SFSWAP: variants seen among roughly 807,000 people sequenced by gnomAD.
SFSWAP encodes the protein splicing factor SWAP, also known as splicing factor, suppressor of white-apricot homolog.
SFSWAP carries 17 observed loss-of-function variants against 100.7 expected under a neutral mutation model. That is an observed-to-expected ratio of 0.17 (90% CI 0.12 to 0.25). The LOEUF (loss-of-function observed/expected upper bound fraction) is 0.25, where lower values mean the gene tolerates loss of function less well. Ranked by LOEUF, SFSWAP falls within the 10% of genes least tolerant of loss-of-function variation. SFSWAP has a pLI of 1.00. For synonymous variants in SFSWAP, 504 were observed against 510.1 expected (o/e 0.99, Z 0.16); for missense variants, 1,005 against 1,262.6 (o/e 0.80, Z 3.09).
chr12:131,756,512 C>G lies in SFSWAP; in HGVS notation c.1588C>G (p.Pro530Ala), dbSNP rs781719154. The G allele has an allele frequency of 2.5e-6, 4 of 1,613,940 alleles. No individual in the cohort carries two copies. In the East Asian group the frequency reaches 8.9e-5, roughly 36 times the overall value. Reference sequence around the variant, plus strand: ...AGAAGAGGCTCCCACAGACTCTGCTCCCGAGAAGCCAAGTGATGCTGGGGA... The same window carrying G: ...AGAAGAGGCTCCCACAGACTCTGCTGCCGAGAAGCCAAGTGATGCTGGGGA... Reference protein sequence around the residue: ...APEEAPTDSAPEKPSDAGEDG... With the variant: ...APEEAPTDSAAEKPSDAGEDG... The change falls in exon 11 of 18, where the codon CCC (proline) becomes GCC (alanine). Residue 530 changes from proline to alanine, a missense_variant. By Grantham distance (27) the Pro-to-Ala change is conservative. Around this residue, in one of 7 missense-constraint regions of SFSWAP, gnomAD observed 311 missense variants for 317.8 expected, o/e 0.98. Coordinates refer to ENST00000261674, the MANE Select transcript of SFSWAP (RefSeq NM_004592.4).
At chr12:131,724,359 C>T (rs1878763319) in intron 4 of SFSWAP, among the ~76,000 whole-genome samples, 1 of 152,108 alleles carries the variant, frequency 6.6e-6, no homozygotes, top group Admixed American at 6.5e-5. Flanking sequence ...CCTGAAAATC[C>T]AAGTCGTGGA....
Position 131,730,348 on chromosome 12 carries a change from C to T in SFSWAP, c.1081+1920C>T, listed in dbSNP as rs187076673. Among the ~76,000 whole-genome samples the T allele has an allele frequency of 1.3e-4, 20 of 152,350 alleles. No individual in the cohort carries two copies. Among genetic ancestry groups the T allele is most frequent in the Admixed American group, 8.5e-4 (13 of 15,302 alleles). On this transcript the variant is annotated intron_variant, in intron 7 of 17. Transcript: ENST00000261674. The surrounding 1 kb of genome is among the most constrained non-coding windows in gnomAD (Gnocchi z 4.0). ...GTTTGCTTGAACCAAATGCATTGTC[C>T]GTGCACGTCCACCAGATCCCTGAAG...
At position 131,768,248 on chromosome 12, in the gene SFSWAP, G is replaced by A. The variant is rs377090117; in HGVS notation, c.2142+1940G>A. Among the ~76,000 whole-genome samples, 5 of 152,232 alleles carry A rather than the reference G, an allele frequency of 3.3e-5. No individual in the cohort carries two copies. The East Asian group carries it at 5.8e-4, about 18-fold the overall frequency. ...GCAGGCCGCAGCCACGTTGCTCCAAGTGGCCCCACGTGTCTTTTGTAGATC... is the reference window on the plus strand; with the variant it reads ...GCAGGCCGCAGCCACGTTGCTCCAAATGGCCCCACGTGTCTTTTGTAGATC... On this transcript the variant is annotated intron_variant, in intron 13 of 17. Transcript: ENST00000261674.
chr12:131,749,221 C>G (rs1463292264), intron 7 of SFSWAP, among the ~76,000 whole-genome samples: 1 of 152,196 alleles, frequency 6.6e-6, no homozygotes. Flanking sequence ...TTTTCCACTT[C>G]ACGGTGTTGT....
intron 14 of SFSWAP, among the ~76,000 whole-genome samples, chr12:131,780,244 C>T (rs1315870679): frequency 6.6e-6 from 1 of 152,206 alleles, no homozygotes; most frequent in Non-Finnish European, 1.5e-5. Flanking sequence ...TACCCTTATA[C>T]ACGCAAAAAA....
chr12:131,717,054 G>A (rs1257605664), intron 3 of SFSWAP, among the ~76,000 whole-genome samples: 2 of 152,000 alleles, frequency 1.3e-5, no homozygotes, highest in African/African-American at 4.8e-5. Flanking sequence ...ATAAAACTTA[G>A]AGCTTGACAT....
In SFSWAP at chr12:131,725,620, C is replaced by T. The variant is rs763499290; in HGVS notation, c.822C>T (p.Asp274=). 3.7e-6 allele frequency: 6 copies of T among 1,612,572 alleles called. No homozygotes were observed. Among genetic ancestry groups the T allele is most frequent in the East Asian group, 2.2e-5 (1 of 44,870 alleles). The stretch of plus-strand genomic sequence containing the variant: ...CTGTCCTGGCAGAAAACAAAAGTGA[C>T]GAGAAAAAAAGTAGGTCCCACTGCG... The part of the protein sequence containing the change: ...RYTVLAENKS[D]EKKKSGVSSD... The change falls in exon 5 of 18, where the codon GAC becomes GAT. Residue 274 remains aspartate (D), a synonymous_variant. Transcript: ENST00000261674. The surrounding 1 kb of genome is among the most constrained non-coding windows in gnomAD (Gnocchi z 4.3).
intron 4 of SFSWAP, among the ~76,000 whole-genome samples, chr12:131,722,897 T>C (rs546248412): frequency 6.6e-6 from 1 of 152,216 alleles, no homozygotes; most frequent in East Asian, 1.9e-4. Flanking sequence ...TGTAGTGAGC[T>C]AATACGGTAC....
chr12:131,738,010 G>A (rs1880201982), intron 7 of SFSWAP, among the ~76,000 whole-genome samples: 1 of 151,940 alleles, frequency 6.6e-6, no homozygotes, highest in Non-Finnish European at 1.5e-5. Context: ...TAATTATGCA[G>A]GAGGCAGTCA....
chr12:131,711,400 A>G lies in SFSWAP; in HGVS notation c.171A>G (p.Gly57=), dbSNP rs139249681. The change falls in exon 1 of 18, where the codon GGA becomes GGG. Residue 57 remains glycine, a synonymous_variant. Transcript: ENST00000261674. This position sits in a 1 kb window ranked among gnomAD's most constrained non-coding sequence, Gnocchi z 4.9. ...DDERALAQEQ[G]QHLIPWMGDH... is the part of the protein sequence containing the mutation. ...AGCGGGCCCTGGCTCAGGAACAGGG[A>G]CAGCACCTCATCCCCTGGATGGGGG... 16 of 1,613,716 alleles carry G rather than the reference A, an allele frequency of 9.9e-6. No individual in the cohort carries two copies. In the African/African-American group the frequency reaches 1.9e-4, roughly 19 times the overall value.
rs1009331578 is a variant in SFSWAP, at chr12:131,792,049, CTG to C, written c.2535-5120_2535-5119del. Among the ~76,000 whole-genome samples the C allele has an allele frequency of 7.3e-5, 11 of 149,664 alleles. No homozygotes were observed. The South Asian group carries it at 1.0e-3, about 14-fold the overall frequency. ...ACTCGTGTGTGTTCACGGATCAGTA[CTG>C]TGTGTGTGCACGTGTGTGTTCACGG... On this transcript the variant is annotated intron_variant, in intron 15 of 17. Transcript: ENST00000261674.
chr12:131,735,776 T>C (rs1484046306), intron 7 of SFSWAP, among the ~76,000 whole-genome samples: 1 of 152,248 alleles, frequency 6.6e-6, no homozygotes, highest in Non-Finnish European at 1.5e-5. Context: ...AAGGACTTCA[T>C]GGTTACTTCT....
chr12:131,788,875 T>C (rs1885068658), intron 15 of SFSWAP, among the ~76,000 whole-genome samples: 1 of 152,234 alleles, frequency 6.6e-6, no homozygotes, highest in Non-Finnish European at 1.5e-5. Context: ...TGTGGCTTAG[T>C]GCACATAATT....
At chr12:131,745,814 G>C (rs1036420740) in intron 7 of SFSWAP, among the ~76,000 whole-genome samples, 14 of 151,694 alleles carry the variant, frequency 9.2e-5, no homozygotes, top group South Asian at 2.1e-4. Flanking sequence ...TTAAATAGTG[G>C]AATTGCCATG....
intron 1 of SFSWAP, chr12:131,713,712 A>C (rs962332050): frequency 6.3e-6 from 1 of 159,288 alleles, no homozygotes; most frequent in Non-Finnish European, 1.4e-5. Flanking sequence ...TTCAGAAAAA[A>C]ATAATAATTT....
At chr12:131,752,854 G>A (rs1881782628) in intron 7 of SFSWAP, among the ~76,000 whole-genome samples, 1 of 152,256 alleles carries the variant, frequency 6.6e-6, no homozygotes. Flanking sequence ...TTTGTCTAGA[G>A]AGTATTCATA....
chr12:131,764,518 A>G lies in SFSWAP; in HGVS notation c.1783A>G (p.Lys595Glu). The G allele has an allele frequency of 6.2e-7, 1 of 1,614,232 alleles. No individual in the cohort carries two copies. The highest frequency in any genetic ancestry group is 8.5e-7 in the Non-Finnish European group (1 of 1,180,050). Residue 595 changes from lysine to glutamate, a missense_variant, in exon 12 of 18, where the codon AAA becomes GAA. Lys to Glu is a moderately conservative substitution (Grantham distance 56). This residue lies in a region of SFSWAP where 82 missense variants were observed against 131.0 expected (regional missense o/e 0.63). Coordinates refer to ENST00000261674, the MANE Select transcript of SFSWAP (RefSeq NM_004592.4). Reference sequence around the variant, plus strand: ...AGAAAATGATCTGCTTCCCCTGGAAAAAAATCGTGTTAAGCTAGATGATGA... The same window carrying G: ...AGAAAATGATCTGCTTCCCCTGGAAGAAAATCGTGTTAAGCTAGATGATGA... ...AKENDLLPLE[K>E]NRVKLDDDSD...
At chr12:131,796,612 C>T (rs1295308049) in intron 15 of SFSWAP, 2 of 152,746 alleles carry the variant, frequency 1.3e-5, no homozygotes, top group Admixed American at 6.5e-5. Context: ...AGAGTGAGAC[C>T]CCATCTCTTA....
At chr12:131,736,687 A>G (rs1182526336) in intron 7 of SFSWAP, among the ~76,000 whole-genome samples, 1 of 151,238 alleles carries the variant, frequency 6.6e-6, no homozygotes, top group African/African-American at 2.5e-5. Context: ...AAAGGAGCGC[A>G]CTCATAGGCA....
Sources: allele counts gnomAD v4.1 joint callset (sites outside exome capture counted in the v4.1 genomes callset), GRCh38; gene constraint gnomAD v4.1.1; regional missense constraint gnomAD v4.1.1; non-coding constraint Gnocchi (gnomAD v3.1); transcripts MANE v1.5; gene names NCBI Gene and HGNC (gene_info 2026-07-23, HGNC 2026-07-21).